The following DOCK11 variants were observed in gnomAD, a reference collection of about 807,000 sequenced individuals.
The protein encoded by DOCK11 is dedicator of cytokinesis 11.
In DOCK11, 70 loss-of-function variants were observed where a neutral mutation model predicts 169.1. The observed-to-expected ratio is 0.41, with a 90% CI of 0.34 to 0.51. DOCK11 has a LOEUF of 0.51. Ranked by LOEUF, DOCK11 falls within the 20% of genes least tolerant of loss-of-function variation. The pLI, the probability that DOCK11 is intolerant of heterozygous loss-of-function variation, is 0.10. For missense variants in DOCK11, 1,166 were observed against 1,538.8 expected, an observed-to-expected ratio of 0.76 and a Z score of 4.05; for synonymous variants, 529 against 541.3, an observed-to-expected ratio of 0.98 and a Z score of 0.32.
intron 40 of DOCK11, among the ~76,000 whole-genome samples, chrX:118,647,517 TAATATATAATATA>T (rs1294553722): frequency 1.5e-5 from 1 of 64,617 alleles, no homozygotes; most frequent in African/African-American, 7.1e-5. Flanking sequence ...TATAATAATA[TAATATATAATATA>T]ATATTATATA....
chrX:118,671,405 G>A (rs1030650988), intron 46 of DOCK11, among the ~76,000 whole-genome samples: 2 of 111,200 alleles, frequency 1.8e-5, no homozygotes, highest in Non-Finnish European at 3.8e-5. Flanking sequence ...AATGATAAAT[G>A]TTTGAGATGA....
intron 30 of DOCK11, among the ~76,000 whole-genome samples, chrX:118,616,571 C>T (rs1254685199): frequency 1.9e-5 from 2 of 107,194 alleles, no homozygotes; most frequent in Non-Finnish European, 3.8e-5. Context: ...GTGTGTGTCT[C>T]CTCTCTCAGG....
At chrX:118,578,458 G>A (rs749427104) in intron 12 of DOCK11, 67 bp from the exon 13 acceptor site, 325 of 1,132,373 alleles carry the variant, frequency 2.9e-4, no homozygotes, top group Middle Eastern at 3.4e-4. Flanking sequence ...ACTAAAAATC[G>A]TTAACCATAA....
At chrX:118,638,053 C>G (rs1276972698) in intron 36 of DOCK11, 27 bp from the exon 37 acceptor site, 17 of 1,131,064 alleles carry the variant, frequency 1.5e-5, no homozygotes, top group Non-Finnish European at 1.9e-5. Flanking sequence ...TAATATATTA[C>G]TAACATGCTA....
chrX:118,611,733 T>G (rs1361405193), intron 28 of DOCK11, among the ~76,000 whole-genome samples: 1 of 112,103 alleles, frequency 8.9e-6, no homozygotes, highest in Non-Finnish European at 1.9e-5. Context: ...AACTGTTTTT[T>G]CTTTCTTTTT....
At chrX:118,683,347 TATC>T (rs1243790194) in intron 52 of DOCK11, 130 bp downstream of exon 52, 1 of 723,315 alleles carries the variant, frequency 1.4e-6, no homozygotes, top group African/African-American at 2.2e-5. Context: ...TTTTTCATAT[TATC>T]TTTAATCATT....
At chrX:118,666,085 C>T (rs918917308) in intron 45 of DOCK11, among the ~76,000 whole-genome samples, 2 of 110,290 alleles carry the variant, frequency 1.8e-5, no homozygotes, top group Non-Finnish European at 3.8e-5. Flanking sequence ...GGTGAAACCC[C>T]GTCTCCACTA....
At chrX:118,627,636 A>G in intron 33 of DOCK11, 57 bp downstream of exon 33, 1 of 833,102 alleles carries the variant, frequency 1.2e-6, no homozygotes, top group African/African-American at 2.0e-5. Context: ...TGTACCCTCT[A>G]CTTCTCAGTA....
At position 118,566,634 on chromosome X, in the gene DOCK11, T is replaced by G. The variant is rs780858774; in HGVS notation, c.932T>G (p.Met311Arg). The change falls in exon 9 of 53, where the codon ATG (methionine) becomes AGG (arginine). Residue 311 changes from methionine (M) to arginine (R), a missense_variant. Transcript: ENST00000276202. ...ATCATGGCAAGTTTGGAAAGGAGCA[T>G]GCATCCGGAACTGATGAAGGTACAT... is the stretch of plus-strand genomic sequence containing the variant. Reference protein sequence around the residue: ...ENIMASLERSMHPELMKYGRE... With the variant: ...ENIMASLERSRHPELMKYGRE... The G allele has an allele frequency of 4.1e-6, 5 of 1,209,221 alleles. No individual in the cohort carries two copies. In the Admixed American group the frequency reaches 8.7e-5, roughly 21 times the overall value.
intron 10 of DOCK11, among the ~76,000 whole-genome samples, chrX:118,571,945 CTTG>C (rs887607072): frequency 1.8e-5 from 2 of 111,473 alleles, no homozygotes; most frequent in African/African-American, 3.3e-5. Context: ...TGGGAGTGTC[CTTG>C]TTGTGCTGGC....
At chrX:118,632,169 G>T (rs1014879673) in intron 35 of DOCK11, among the ~76,000 whole-genome samples, 6 of 110,858 alleles carry the variant, frequency 5.4e-5, no homozygotes, top group African/African-American at 1.6e-4. Flanking sequence ...TAGCCAGGAT[G>T]GTCTCGATCT....
At chrX:118,599,070 A>C in intron 22 of DOCK11, 69 bp from the exon 23 acceptor site, 1 of 836,956 alleles carries the variant, frequency 1.2e-6, no homozygotes, top group Non-Finnish European at 1.8e-6. Context: ...AGGAGGAGGG[A>C]GAGGTAGAGA....
chrX:118,569,091 CT>C (rs1186200391), intron 10 of DOCK11, among the ~76,000 whole-genome samples: 718 of 44,991 alleles, frequency 0.016, 3 homozygotes, highest in East Asian at 0.082. Flanking sequence ...TCTTTCTTTC[CT>C]TTTTTTTTTT....
chrX:118,598,966 A>G (rs1055154385), intron 22 of DOCK11, among the ~76,000 whole-genome samples, 173 bp from the exon 23 acceptor site: 1 of 111,995 alleles, frequency 8.9e-6, no homozygotes, highest in African/African-American at 3.2e-5. Context: ...GCTTGTGTAC[A>G]TGGCAGATTT....
intron 38 of DOCK11, 32 bp from the exon 39 acceptor site, chrX:118,641,158 G>C: frequency 1.9e-6 from 2 of 1,059,276 alleles, no homozygotes; most frequent in Non-Finnish European, 2.6e-6. Flanking sequence ...TCTTCGTGTT[G>C]GGAAAAGTTT....
intron 46 of DOCK11, 63 bp from the exon 47 acceptor site, chrX:118,675,873 A>G: frequency 2.9e-6 from 2 of 681,248 alleles, no homozygotes; most frequent in Non-Finnish European, 4.4e-6. Context: ...TTGTACATTC[A>G]TCTTGAAGAC....
intron 1 of DOCK11, among the ~76,000 whole-genome samples, chrX:118,520,622 T>C (rs1178585446): frequency 9.0e-6 from 1 of 111,678 alleles, no homozygotes; most frequent in Non-Finnish European, 1.9e-5. Context: ...AGGTTCTCCA[T>C]GTCTGGGTTC....
In DOCK11 at chrX:118,605,277, C is replaced by G. The variant is rs1469012732; in HGVS notation, c.2602C>G (p.Leu868Val). 8.3e-7 allele frequency: 1 copy of G among 1,197,778 alleles called. No individual in the cohort carries two copies. The highest frequency in any genetic ancestry group is 1.1e-6 in the Non-Finnish European group (1 of 890,055). Residue 868 changes from leucine (L) to valine (V), a missense_variant, in exon 24 of 53, where the codon CTA becomes GTA. Transcript: ENST00000276202. ...GGAGATCCAAGTCATGATACAGTTT[C>G]TACCTGTAATTCTTATGCAACTCTT... ...AMEIQVMIQF[L>V]PVILMQLFRV...
chrX:118,530,107 A>T (rs2147329766), intron 1 of DOCK11, among the ~76,000 whole-genome samples: 1 of 112,821 alleles, frequency 8.9e-6, no homozygotes, highest in East Asian at 2.8e-4. Flanking sequence ...TTAAGTACAG[A>T]TTGGCAGCTG....
Sources: allele counts gnomAD v4.1 joint callset (sites outside exome capture counted in the v4.1 genomes callset), GRCh38; gene constraint gnomAD v4.1.1; transcripts MANE v1.5; gene names NCBI Gene and HGNC (gene_info 2026-07-23, HGNC 2026-07-21).